COX4I2: variants seen among roughly 807,000 people sequenced by gnomAD.
COX4I2 encodes the protein cytochrome c oxidase subunit 4 isoform 2, mitochondrial.
COX4I2 carries 15 observed loss-of-function variants against 20.8 expected under a neutral mutation model. The ratio of observed to expected loss-of-function variants is 0.72; its 90% CI spans 0.48 to 1.11. COX4I2 has a LOEUF of 1.11. COX4I2 is among the 50% of genes most tolerant of loss of function. The pLI, the probability that COX4I2 is intolerant of heterozygous loss-of-function variation, is 0.00. For synonymous variants in COX4I2, 80 were observed against 78.1 expected, an observed-to-expected ratio of 1.02 and a Z score of -0.13; for missense variants, 224 against 223.0, an observed-to-expected ratio of 1.00 and a Z score of -0.03.
rs200849119 is a variant in COX4I2, at chr20:31,643,555, C to T, written c.379+20C>T. On this transcript the variant is annotated intron_variant, in intron 4 of 4. Transcript: ENST00000376075. ...TCTACGGTGAGTGGCAACACCTCATCTGGCTGCAGTCCTGGGCCATGCCCT... is the reference window on the plus strand; with the variant it reads ...TCTACGGTGAGTGGCAACACCTCATTTGGCTGCAGTCCTGGGCCATGCCCT... The T allele has an allele frequency of 6.2e-7, 1 of 1,613,974 alleles. No individual in the cohort carries two copies. Among genetic ancestry groups the T allele is most frequent in the Non-Finnish European group, 8.5e-7 (1 of 1,179,886 alleles).
At chr20:31,639,151 G>C in intron 2 of COX4I2, 52 bp downstream of exon 2, 2 of 1,564,384 alleles carry the variant, frequency 1.3e-6, no homozygotes, top group South Asian at 1.2e-5. Context: ...AGGGGCAGGG[G>C]TCCCCTCTGC....
chr20:31,639,417 G>A (rs189736654), intron 2 of COX4I2: 97 of 382,122 alleles, frequency 2.5e-4, no homozygotes, highest in African/African-American at 8.8e-5. Flanking sequence ...CCAGACCCTA[G>A]TTTCAATGCT....
intron 3 of COX4I2, among the ~76,000 whole-genome samples, chr20:31,640,870 GC>G (rs2060463779): frequency 6.6e-6 from 1 of 151,900 alleles, no homozygotes; most frequent in Non-Finnish European, 1.5e-5. Flanking sequence ...GCAGCTGTGA[GC>G]CAGCCAGGCT....
intron 1 of COX4I2, 135 bp from the exon 2 acceptor site, chr20:31,638,883 T>C (rs2060451014): frequency 1.1e-6 from 1 of 940,642 alleles, no homozygotes; most frequent in South Asian, 1.4e-5. Flanking sequence ...GTCAAGGGCA[T>C]GAGGGTGACC....
intron 2 of COX4I2, among the ~76,000 whole-genome samples, chr20:31,639,671 A>T (rs1006781093): frequency 4.7e-5 from 7 of 149,548 alleles, no homozygotes; most frequent in Non-Finnish European, 8.9e-5. Flanking sequence ...AATTCTCCTG[A>T]CTCAGCCTCC....
intron 1 of COX4I2, 25 bp from the exon 2 acceptor site, chr20:31,638,993 C>T (rs2060451480): frequency 6.3e-7 from 1 of 1,595,750 alleles, no homozygotes; most frequent in Admixed American, 1.8e-5. Context: ...GGGGGCAGAA[C>T]TCATCTATAC....
Position 31,643,971 on chromosome 20 carries a change from C to T in COX4I2, c.379+436C>T, listed in dbSNP as rs761879505. 2.0e-5 allele frequency among the ~76,000 whole-genome samples: 3 copies of T among 152,204 alleles called. No individual in the cohort carries two copies. In the South Asian group the frequency reaches 6.2e-4, roughly 32 times the overall value. On this transcript the variant is annotated intron_variant, in intron 4 of 4. Transcript: ENST00000376075. ...GACTACAAGAGTGTGCCACCACGCC[C>T]GGCTAATTTTTGTATTTTTAGTAGA...
At chr20:31,644,647 A>T in intron 4 of COX4I2, 121 bp from the exon 5 acceptor site, 1 of 1,149,998 alleles carries the variant, frequency 8.7e-7, no homozygotes, top group Non-Finnish European at 1.3e-6. Context: ...AGATACTTCA[A>T]CCCTGGAGTA....
chr20:31,642,166 C>T (rs974389605), intron 3 of COX4I2, among the ~76,000 whole-genome samples: 1 of 151,958 alleles, frequency 6.6e-6, no homozygotes, highest in Non-Finnish European at 1.5e-5. Context: ...TGCCTTGAGT[C>T]TTGTCAGACC....
intron 3 of COX4I2, among the ~76,000 whole-genome samples, chr20:31,641,731 G>T (rs2060469241): frequency 6.6e-6 from 1 of 151,968 alleles, no homozygotes; most frequent in Non-Finnish European, 1.5e-5. Context: ...TTGAGACAGG[G>T]TCTCTGTCAC....
At chr20:31,642,699 A>T (rs2060475290) in intron 3 of COX4I2, among the ~76,000 whole-genome samples, 1 of 151,946 alleles carries the variant, frequency 6.6e-6, no homozygotes. Flanking sequence ...GGCCTCCCAA[A>T]GTGCTGGGAT....
At chr20:31,640,882 C>A (rs578183291) in intron 3 of COX4I2, among the ~76,000 whole-genome samples, 1 of 151,996 alleles carries the variant, frequency 6.6e-6, no homozygotes, top group South Asian at 2.1e-4. Flanking sequence ...CAGCCAGGCT[C>A]CGTTCCTGCC....
At chr20:31,640,620 G>T (rs539767893) in intron 3 of COX4I2, among the ~76,000 whole-genome samples, 1 of 152,210 alleles carries the variant, frequency 6.6e-6, no homozygotes, top group African/African-American at 2.4e-5. Flanking sequence ...CGGTTGGGGA[G>T]GAGCCCTCTG....
chr20:31,640,389 T>C (rs2060461261), intron 3 of COX4I2, among the ~76,000 whole-genome samples: 2 of 152,068 alleles, frequency 1.3e-5, no homozygotes. Flanking sequence ...ATAATTGTAA[T>C]ACAGAACATG....
At chr20:31,640,434 T>G (rs73613725) in intron 3 of COX4I2, among the ~76,000 whole-genome samples, 1 of 152,156 alleles carries the variant, frequency 6.6e-6, no homozygotes, top group East Asian at 1.9e-4. Context: ...GACTGTGAGA[T>G]GAAATCTTGG....
At chr20:31,641,581 A>C (rs2060468287) in intron 3 of COX4I2, among the ~76,000 whole-genome samples, 1 of 152,186 alleles carries the variant, frequency 6.6e-6, no homozygotes, top group Non-Finnish European at 1.5e-5. Context: ...TGGAGGCAAG[A>C]TTTGAAACCA....
chr20:31,640,347 C>G (rs929859352), intron 3 of COX4I2, among the ~76,000 whole-genome samples: 1 of 152,178 alleles, frequency 6.6e-6, no homozygotes, highest in Non-Finnish European at 1.5e-5. Context: ...ATGGTGCCCC[C>G]GGTCCCGTGG....
chr20:31,644,879 A>C lies in COX4I2; in HGVS notation c.491A>C (p.Tyr164Ser). 1 of 1,614,084 alleles carries C rather than the reference A, an allele frequency of 6.2e-7. No individual in the cohort carries two copies. The highest frequency in any genetic ancestry group is 8.5e-7 in the Non-Finnish European group (1 of 1,179,974). ...PVQGLASRWD[Y>S]EKKQWKK ...CAGGGCCTGGCCTCCCGCTGGGACT[A>C]TGAGAAGAAGCAGTGGAAGAAGTGA... is the stretch of plus-strand genomic sequence containing the variant. Residue 164 changes from tyrosine (Y) to serine (S), a missense_variant, in exon 5 of 5, where the codon TAT becomes TCT. Transcript: ENST00000376075.
intron 2 of COX4I2, 58 bp from the exon 3 acceptor site, chr20:31,639,871 ATAGT>A: frequency 6.3e-7 from 1 of 1,583,606 alleles, no homozygotes; most frequent in Non-Finnish European, 8.7e-7. Flanking sequence ...CTTTATTAAT[ATAGT>A]TAGAGATAGG....
Sources: allele counts gnomAD v4.1 joint callset (sites outside exome capture counted in the v4.1 genomes callset), GRCh38; gene constraint gnomAD v4.1.1; transcripts MANE v1.5; gene names NCBI Gene and HGNC (gene_info 2026-07-23, HGNC 2026-07-21).